Variants in TNNT2 observed in about 807,000 individuals in gnomAD.
The protein encoded by TNNT2 is troponin T2, cardiac type.
A neutral mutation model predicts 62.4 loss-of-function variants in TNNT2; 34 were observed. The observed-to-expected ratio is 0.54, with a 90% CI of 0.41 to 0.72. TNNT2 has a LOEUF of 0.72. Among genes scored for constraint, TNNT2 ranks in the 30% least tolerant of loss-of-function variants. The probability of loss-of-function intolerance (pLI) is 0.00; values close to 1 mark genes in which losing one functional copy is unlikely to be tolerated. For synonymous variants in TNNT2, 123 were observed against 127.2 expected (o/e 0.97, Z 0.22); for missense variants, 275 against 381.9 (o/e 0.72, Z 2.33).
chr1:201,366,941 G>A, intron 7 of TNNT2, 70 bp from the exon 8 acceptor site: 1 of 1,613,020 alleles, frequency 6.2e-7, no homozygotes. Context: ...CGCCCTCGAT[G>A]AGCTAGATCC....
chr1:201,363,111 A>C (rs1049208564), intron 12 of TNNT2, 185 bp downstream of exon 12: 113 of 985,212 alleles, frequency 1.1e-4, no homozygotes, highest in Non-Finnish European at 1.3e-4. Context: ...AGCCCCTCCT[A>C]GTGCAAGCCG....
intron 1 of TNNT2, chr1:201,375,480 GAGA>G (rs1482945868): frequency 6.6e-6 from 1 of 152,214 alleles, no homozygotes. Flanking sequence ...GTGAGTGGGT[GAGA>G]AGAAGAGACA....
chr1:201,366,640 TGG>T (rs1659714512), intron 8 of TNNT2, 196 bp downstream of exon 8: 1 of 1,472,528 alleles, frequency 6.8e-7, no homozygotes, highest in Admixed American at 2.1e-5. Context: ...GATGGAGTGT[TGG>T]GTGGAATTCA....
At chr1:201,368,999 G>GGA (rs1248908242) in intron 5 of TNNT2, among the ~76,000 whole-genome samples, 2 of 152,200 alleles carry the variant, frequency 1.3e-5, no homozygotes, top group African/African-American at 4.8e-5. Context: ...GATCCCTGCA[G>GGA]GAGTCTTACC....
At chr1:201,359,781 G>T (rs1245970082) in intron 15 of TNNT2, 118 bp from the exon 16 acceptor site, 6 of 879,884 alleles carry the variant, frequency 6.8e-6, no homozygotes, top group Non-Finnish European at 9.4e-6. Context: ...AGAAGGAGGA[G>T]CATGGAAGAG....
intron 15 of TNNT2, chr1:201,360,499 G>A (rs943817419): frequency 6.5e-6 from 1 of 153,122 alleles, no homozygotes; most frequent in African/African-American, 2.4e-5. Flanking sequence ...ATTCAACCCA[G>A]GCATTATGGC....
chr1:201,361,665 G>A lies in TNNT2; in HGVS notation c.719+248C>T, dbSNP rs557412359. Among the ~76,000 whole-genome samples the A allele has an allele frequency of 8.5e-5, 13 of 152,378 alleles. No individual in the cohort carries two copies. The East Asian group carries it at 1.7e-3, about 20-fold the overall frequency. ...AGTTCAATCCCCTGTCCTGACACCCGTGTGCAGGTGGGTAGGTGAAGCTCA... is the reference window on the plus strand; with the variant it reads ...AGTTCAATCCCCTGTCCTGACACCCATGTGCAGGTGGGTAGGTGAAGCTCA... On this transcript the variant is annotated intron_variant, in intron 14 of 16. Coordinates refer to ENST00000656932, the MANE Select transcript of TNNT2 (RefSeq NM_001276345.2).
intron 11 of TNNT2, chr1:201,364,069 A>G (rs1659211846): frequency 3.7e-6 from 2 of 534,380 alleles, no homozygotes; most frequent in East Asian, 6.7e-5. Flanking sequence ...TATTTTTAGT[A>G]GAGACAGGGT....
At chr1:201,366,955 T>G in intron 7 of TNNT2, 84 bp from the exon 8 acceptor site, 1 of 1,610,186 alleles carries the variant, frequency 6.2e-7, no homozygotes, top group Non-Finnish European at 8.5e-7. Flanking sequence ...TAGATCCCTG[T>G]GGATTTCCAT....
In TNNT2 at chr1:201,361,150, G is replaced by A. The variant is rs193184725; in HGVS notation, c.810+129C>T. The A allele has an allele frequency of 2.0e-3, 1,785 of 874,696 alleles. 7 individuals carry two copies. The highest frequency in any genetic ancestry group is 6.1e-3 in the Middle Eastern group (24 of 3,966). 54.2% of individuals were successfully genotyped at this position (874,696 alleles called of 1,614,324 possible). A position where few individuals can be genotyped will look rare whatever the true frequency, so the allele number is the denominator to read the frequency against. On this transcript the variant is annotated intron_variant, in intron 15 of 16. Transcript: ENST00000656932. The stretch of plus-strand genomic sequence containing the variant: ...TGAAGGCCAGGCAGCAGGGGCAGAT[G>A]CAGGAGCTGAAGGGGGCTGTTGGGG...
chr1:201,363,218 T>G (rs1571613867), intron 12 of TNNT2, 78 bp downstream of exon 12: 1 of 1,611,542 alleles, frequency 6.2e-7, no homozygotes, highest in African/African-American at 1.3e-5. Flanking sequence ...TGACCTAAAG[T>G]CTACCTGCTG....
chr1:201,371,645 G>T (rs1054359350), intron 4 of TNNT2, among the ~76,000 whole-genome samples: 2 of 152,140 alleles, frequency 1.3e-5, no homozygotes, highest in African/African-American at 2.4e-5. Flanking sequence ...ATAGAGGAAA[G>T]AAGACTGGCC....
chr1:201,367,100 G>T (rs1178323438), intron 7 of TNNT2: 3 of 667,638 alleles, frequency 4.5e-6, no homozygotes, highest in South Asian at 1.8e-5. Flanking sequence ...ACACACTCAC[G>T]CAGTGTGGAA....
In TNNT2 at chr1:201,363,021, G is replaced by T. The variant is rs544620793; in HGVS notation, c.600+275C>A. On this transcript the variant is annotated intron_variant, in intron 12 of 16. Coordinates refer to ENST00000656932, the MANE Select transcript of TNNT2 (RefSeq NM_001276345.2). ...TCCAGCTGCACCCAGCCTCCTTGGG[G>T]GCTCCTGAGCACTGCTGGAGCCAGG... 1.2e-5 allele frequency: 9 copies of T among 763,488 alleles called. No individual in the cohort carries two copies. The East Asian group carries it at 1.0e-3, about 87-fold the overall frequency. The allele number at this position is 763,488 out of a possible 1,614,324, so 47.3% of individuals were successfully genotyped here. A position where few individuals can be genotyped will look rare whatever the true frequency, so the allele number is the denominator to read the frequency against.
At chr1:201,364,252 T>C (rs376426525) in intron 11 of TNNT2, 46 bp downstream of exon 11, 58 of 1,585,764 alleles carry the variant, frequency 3.7e-5, no homozygotes, top group African/African-American at 5.4e-5. Context: ...CAGCAGGAGC[T>C]GGGAGCATGG....
Position 201,369,847 on chromosome 1 carries a change from T to C in TNNT2, c.68-2A>G, listed in dbSNP as rs1558243381. 3 of 1,614,162 alleles carry C rather than the reference T, an allele frequency of 1.9e-6. No individual in the cohort carries two copies. Among genetic ancestry groups the C allele is most frequent in the South Asian group, 1.1e-5 (1 of 91,078 alleles). ...CGTCCTCTCTCCAGTCCTCCTCTTC[T>C]GAGGTTCAGGGAGTGGCCGCAGCGG... On this transcript the variant is annotated splice_acceptor_variant, in intron 4 of 16. Coordinates refer to ENST00000656932, the MANE Select transcript of TNNT2 (RefSeq NM_001276345.2). LOFTEE classifies it high-confidence loss of function.
intron 1 of TNNT2, 114 bp from the exon 2 acceptor site, chr1:201,373,382 C>T (rs539105911): frequency 1.1e-6 from 1 of 909,726 alleles, no homozygotes; most frequent in Non-Finnish European, 1.8e-6. Context: ...TCTAGTTCCA[C>T]CCCTCATGAG....
In TNNT2 at chr1:201,359,146, G is replaced by A; in HGVS notation, c.*64C>T. 2 of 1,575,766 alleles carry A rather than the reference G, an allele frequency of 1.3e-6. No individual in the cohort carries two copies. Among genetic ancestry groups the A allele is most frequent in the South Asian group, 1.2e-5 (1 of 86,126 alleles). On this transcript the variant is annotated 3_prime_UTR_variant, in exon 17 of 17. Transcript: ENST00000656932. ...GGGTGCCCAGGAGGGCCCGGGAACT[G>A]GGGGAGTGCAGGCCGGAGGCAGGTG...
Position 201,364,279 on chromosome 1 carries a change from T to A in TNNT2, c.489+19A>T. On this transcript the variant is annotated intron_variant, in intron 11 of 16. Transcript: ENST00000656932. ...GGAGCATGGGGGGCCTCCATGGGCC[T>A]GGGCTAGGGGTCACTCACAGCCAGG... The A allele has an allele frequency of 6.2e-7, 1 of 1,609,748 alleles. No homozygotes were observed.
Sources: gnomAD v4.1 joint callset for allele counts (sites outside exome capture counted in the v4.1 genomes callset) on GRCh38, gnomAD v4.1.1 for gene constraint, MANE v1.5 for transcripts, NCBI Gene and HGNC (gene_info 2026-07-23, HGNC 2026-07-21) for gene names.